The following STK3 variants were observed in gnomAD, a reference collection of about 807,000 sequenced individuals.
STK3 encodes serine/threonine kinase 3, also known as serine/threonine-protein kinase 3.
STK3 carries 41 observed loss-of-function variants against 58.0 expected under a neutral mutation model. The observed-to-expected ratio is 0.71, with a 90% confidence interval of 0.55 to 0.92. The LOEUF (loss-of-function observed/expected upper bound fraction) is 0.92. STK3 is among the 40% of genes least tolerant of loss of function. STK3 has a pLI of 0.00. For synonymous variants in STK3, 170 were observed against 191.0 expected (o/e 0.89, Z 0.91); for missense variants, 479 against 602.7 (o/e 0.79, Z 2.15).
chr8:98,802,751 A>G (rs1833638223), intron 1 of STK3, among the ~76,000 whole-genome samples: 1 of 152,230 alleles, frequency 6.6e-6, no homozygotes, highest in Non-Finnish European at 1.5e-5. Context: ...TCATTCCATG[A>G]GATACCAAGT....
At chr8:98,779,175 C>A (rs1423542330) in intron 1 of STK3, among the ~76,000 whole-genome samples, 1 of 151,964 alleles carries the variant, frequency 6.6e-6, no homozygotes, top group Non-Finnish European at 1.5e-5. Context: ...TAATAGTAAC[C>A]TTTCAATCAA....
chr8:98,468,937 T>C (rs1377437148), intron 10 of STK3, among the ~76,000 whole-genome samples: 6 of 151,994 alleles, frequency 3.9e-5, no homozygotes, highest in Non-Finnish European at 1.5e-5. Context: ...GGTGAAACCC[T>C]GTCTCTACTA....
chr8:98,630,691 AAGAAGGAGG>A (rs1254831806), intron 6 of STK3, among the ~76,000 whole-genome samples: 3,069 of 146,492 alleles, frequency 0.021, 89 homozygotes, highest in African/African-American at 0.065. Context: ...GGAGAAGGAG[AAGAAGGAGG>A]AGAAGGAGGA....
chr8:98,909,587 A>C (rs1839053905), intron 1 of STK3, among the ~76,000 whole-genome samples: 1 of 152,206 alleles, frequency 6.6e-6, no homozygotes, highest in Non-Finnish European at 1.5e-5. Context: ...CTGGACTTTC[A>C]TACAAATTGA....
Position 98,610,465 on chromosome 8 carries a change from T to C in STK3, c.685-14296A>G, listed in dbSNP as rs181585835. 6.8e-3 allele frequency among the ~76,000 whole-genome samples: 1,031 copies of C among 152,280 alleles called. 8 individuals are homozygous for C. The highest frequency in any genetic ancestry group is 0.023 in the African/African-American group (967 of 41,548). ...ATAATTCAATTCAATCCAAAGTAAA[T>C]CAATAGCATCCATTGATTTTCTTTC... On this transcript the variant is annotated intron_variant, in intron 6 of 10. Coordinates refer to ENST00000419617, the MANE Select transcript of STK3 (RefSeq NM_006281.4).
rs1041425907 is a variant in STK3, at chr8:98,414,691, G to T, written n.484-13178C>A. On this transcript the variant is annotated intron_variant and non_coding_transcript_variant, in intron 3 of 3. Coordinates refer to the STK3 transcript ENST00000517832. ...GCCACACAGGTAGATAAATTTCCCA[G>T]CCTCCCTTGCAACTAGGATTGGTCA... Among the ~76,000 whole-genome samples, 4 of 152,170 alleles carry T rather than the reference G, an allele frequency of 2.6e-5. No individual in the cohort carries two copies. In the South Asian group the frequency reaches 8.3e-4, roughly 32 times the overall value.
chr8:98,526,544 C>T lies in STK3; in HGVS notation c.1317+198G>A, dbSNP rs187599120. On this transcript the variant is annotated intron_variant, in intron 10 of 10. Coordinates refer to ENST00000419617, the MANE Select transcript of STK3 (RefSeq NM_006281.4). ...TATTTAACTATAAAAAAGTATTTCT[C>T]TGCAAGTACATTTCTATAAGCAAGC... 217 of 380,920 alleles carry T rather than the reference C, an allele frequency of 5.7e-4. 2 individuals are homozygous for T. In the East Asian group the frequency reaches 8.5e-3, roughly 15 times the overall value. The allele number at this position is 380,920 out of a possible 1,614,324, so 23.6% of individuals were successfully genotyped here. A position where few individuals can be genotyped will look rare whatever the true frequency, so the allele number is the denominator to read the frequency against.
the STK3 span, among the ~76,000 whole-genome samples, chr8:98,363,060 C>T: frequency 0.035 from 5,402 of 152,338 alleles, 149 homozygotes; most frequent in Non-Finnish European, 0.06. Flanking sequence ...TGAATGTATA[C>T]TCCACCCTCT....
chr8:98,776,526 A>G (rs1831688935), intron 1 of STK3, among the ~76,000 whole-genome samples: 1 of 152,228 alleles, frequency 6.6e-6, no homozygotes, highest in Non-Finnish European at 1.5e-5. Flanking sequence ...ATAAAAATAA[A>G]AACACTTTCT....
intron 1 of STK3, among the ~76,000 whole-genome samples, chr8:98,941,156 C>T (rs1014408335): frequency 1.3e-5 from 2 of 152,258 alleles, no homozygotes; most frequent in East Asian, 1.9e-4. Context: ...CGGCTGCGGA[C>T]TGCAGCCCGC....
rs1365533034 is a variant in STK3, at chr8:98,428,097, G to A, written n.483+6030C>T. On this transcript the variant is annotated intron_variant and non_coding_transcript_variant, in intron 3 of 3. Transcript: ENST00000517832. The surrounding 1 kb of genome is among the most constrained non-coding windows in gnomAD (Gnocchi z 6.7). ...CTCGCACACGCTGCTGCGCTTCCCC[G>A]AGACGCGCCTGGGCCGCTTGCTGCT... 1 of 1,613,848 alleles carries A rather than the reference G, an allele frequency of 6.2e-7. No individual in the cohort carries two copies. Among genetic ancestry groups the A allele is most frequent in the South Asian group, 1.1e-5 (1 of 91,066 alleles).
At position 98,771,888 on chromosome 8, in the gene STK3, C is replaced by A. The variant is rs191517489; in HGVS notation, c.107+2851G>T. Among the ~76,000 whole-genome samples, 12 of 152,154 alleles carry A rather than the reference C, an allele frequency of 7.9e-5. No individual in the cohort carries two copies. In the East Asian group the frequency reaches 2.3e-3, roughly 29 times the overall value. On this transcript the variant is annotated intron_variant, in intron 2 of 10. Transcript: ENST00000419617. The stretch of plus-strand genomic sequence containing the variant: ...AGCGTGTAAGCCACTGCACCTGGCC[C>A]ATATTTATCATTTCTAATTTTTTTT...
At chr8:98,348,300 A>G in the STK3 span, among the ~76,000 whole-genome samples, 4 of 152,206 alleles carry the variant, frequency 2.6e-5, no homozygotes, top group African/African-American at 9.7e-5. Flanking sequence ...AAAACTATAA[A>G]ACTAGAAGAG....
chr8:98,923,525 AAAAC>A (rs1247899895), intron 1 of STK3, among the ~76,000 whole-genome samples: 4 of 152,236 alleles, frequency 2.6e-5, no homozygotes, highest in African/African-American at 4.8e-5. Context: ...AGAAATCATG[AAAAC>A]AAACAAACAA....
intron 6 of STK3, among the ~76,000 whole-genome samples, chr8:98,669,968 C>T (rs117934432): frequency 0.022 from 3,411 of 152,308 alleles, 49 homozygotes; most frequent in Non-Finnish European, 0.035. Flanking sequence ...AGCTTCTCCA[C>T]CTATATCTGT....
chr8:98,642,545 G>T (rs1333554342), intron 6 of STK3, among the ~76,000 whole-genome samples: 1 of 151,998 alleles, frequency 6.6e-6, no homozygotes, highest in Non-Finnish European at 1.5e-5. Context: ...TGTATAATTT[G>T]CCCAAGGTTG....
the STK3 span, among the ~76,000 whole-genome samples, chr8:98,352,211 T>C: frequency 4.0e-5 from 6 of 150,092 alleles, no homozygotes; most frequent in Middle Eastern, 3.4e-3. Flanking sequence ...GAGAATCCCA[T>C]AACAAAAGAT....
intron 7 of STK3, among the ~76,000 whole-genome samples, chr8:98,591,275 C>T (rs1815288893): frequency 6.6e-6 from 1 of 152,180 alleles, no homozygotes; most frequent in Non-Finnish European, 1.5e-5. Context: ...ACTGTGTTGT[C>T]AGCATTTTTT....
intron 6 of STK3, among the ~76,000 whole-genome samples, chr8:98,697,510 A>C (rs926237337): frequency 1.1e-4 from 16 of 151,598 alleles, no homozygotes; most frequent in African/African-American, 2.7e-4. Flanking sequence ...TATAAATTTC[A>C]CTCTACACAC....
Sources: allele counts gnomAD v4.1 joint callset (sites outside exome capture counted in the v4.1 genomes callset), GRCh38; gene constraint gnomAD v4.1.1; non-coding constraint Gnocchi (gnomAD v3.1); transcripts MANE v1.5; gene names NCBI Gene and HGNC (gene_info 2026-07-23, HGNC 2026-07-21).